The following PRKAG2 variants were observed in gnomAD, a reference collection of about 807,000 sequenced individuals.
The protein encoded by PRKAG2 is 5'-AMP-activated protein kinase subunit gamma-2.
In PRKAG2, 26 loss-of-function variants were observed where a neutral mutation model predicts 69.6. The ratio of observed to expected loss-of-function variants is 0.37; its 90% CI spans 0.27 to 0.52. The LOEUF is 0.52. PRKAG2 is among the 20% of genes least tolerant of loss of function. The pLI is 0.90. For missense variants in PRKAG2, 557 were observed against 740.0 expected, an observed-to-expected ratio of 0.75 and a Z score of 2.87; for synonymous variants, 293 against 285.0, an observed-to-expected ratio of 1.03 and a Z score of -0.28.
chr7:151,822,422 G>A (rs139306429), intron 1 of PRKAG2, among the ~76,000 whole-genome samples: 523 of 152,320 alleles, frequency 3.4e-3, no homozygotes, highest in Non-Finnish European at 5.4e-3. Flanking sequence ...GGGTGAAGGC[G>A]CTGTGGGAGT....
At chr7:151,682,462 C>T (rs917115268) in intron 3 of PRKAG2, among the ~76,000 whole-genome samples, 4 of 152,152 alleles carry the variant, frequency 2.6e-5, no homozygotes, top group Non-Finnish European at 2.9e-5. Flanking sequence ...TGGTCTTGAA[C>T]TCCTGGTATC....
In PRKAG2 at chr7:151,836,572, G is replaced by A. The variant is rs560810842; in HGVS notation, c.114+39935C>T. Among the ~76,000 whole-genome samples the A allele has an allele frequency of 2.0e-5, 3 of 152,244 alleles. No homozygotes were observed. The highest frequency in any genetic ancestry group is 2.9e-5 in the Non-Finnish European group (2 of 68,040). Reference sequence around the variant, plus strand: ...GATCAGAACTTGCCCCCTTCCCAGTGTGAATTCCCCTCCGATGGGGTGTGG... The same window carrying A: ...GATCAGAACTTGCCCCCTTCCCAGTATGAATTCCCCTCCGATGGGGTGTGG... On this transcript the variant is annotated intron_variant, in intron 1 of 15. Transcript: ENST00000287878. The surrounding 1 kb of genome is among the most constrained non-coding windows in gnomAD (Gnocchi z 4.1).
chr7:151,575,931 T>G (rs1585000510), intron 7 of PRKAG2, among the ~76,000 whole-genome samples: 2 of 146,998 alleles, frequency 1.4e-5, no homozygotes, highest in Non-Finnish European at 3.0e-5. Flanking sequence ...AGGACAACAG[T>G]GTTTGGACCT....
intron 4 of PRKAG2, among the ~76,000 whole-genome samples, chr7:151,662,160 CAG>C (rs1241401110): frequency 5.9e-5 from 9 of 152,198 alleles, no homozygotes; most frequent in African/African-American, 2.2e-4. Flanking sequence ...AGAAAGTGTT[CAG>C]AGTCTTGATT....
intron 4 of PRKAG2, among the ~76,000 whole-genome samples, chr7:151,633,596 A>G (rs1398280338): frequency 6.6e-6 from 1 of 152,064 alleles, no homozygotes; most frequent in East Asian, 1.9e-4. Context: ...AATCAATCAC[A>G]TTTCTATAAA....
chr7:151,790,424 C>T (rs2077219766), intron 1 of PRKAG2: 1 of 152,210 alleles, frequency 6.6e-6, no homozygotes, highest in South Asian at 2.1e-4. Flanking sequence ...CTGATAATCC[C>T]GTATTATACT....
intron 6 of PRKAG2, among the ~76,000 whole-genome samples, chr7:151,579,073 T>C (rs1017492842): frequency 1.3e-5 from 2 of 152,196 alleles, no homozygotes; most frequent in Admixed American, 1.3e-4. Flanking sequence ...TAGTGGTACC[T>C]TGGCTCATTG....
chr7:151,705,684 C>T (rs1365298486), intron 3 of PRKAG2, among the ~76,000 whole-genome samples: 4 of 152,100 alleles, frequency 2.6e-5, no homozygotes, highest in Admixed American at 1.3e-4. Context: ...GCAGGGTGTT[C>T]GATTGGAGGG....
At chr7:151,645,900 G>A (rs990741271) in intron 4 of PRKAG2, among the ~76,000 whole-genome samples, 4 of 152,142 alleles carry the variant, frequency 2.6e-5, no homozygotes, top group African/African-American at 9.7e-5. Context: ...ATGTGGCAAG[G>A]GTTGAGGTTC....
chr7:151,668,656 C>T (rs1466943336), intron 4 of PRKAG2, among the ~76,000 whole-genome samples: 1 of 152,196 alleles, frequency 6.6e-6, no homozygotes, highest in Non-Finnish European at 1.5e-5. Flanking sequence ...GGCACAAAAT[C>T]CAGCTGTCTT....
rs150597786 is a variant in PRKAG2, at chr7:151,778,965, AACACAC to A, written c.466+2181_466+2186del. 2.7e-3 allele frequency among the ~76,000 whole-genome samples: 409 copies of A among 151,536 alleles called. 7 individuals are homozygous for A. The highest frequency in any genetic ancestry group is 0.024 in the Admixed American group (364 of 15,206). The stretch of plus-strand genomic sequence containing the variant: ...CACACATACATCTATACAAATCCAA[AACACAC>A]ACACACACACCCATATATGCTGTGT... On this transcript the variant is annotated intron_variant, in intron 3 of 15. Transcript: ENST00000287878.
At chr7:151,717,044 C>T (rs1371447678) in intron 3 of PRKAG2, among the ~76,000 whole-genome samples, 6 of 152,030 alleles carry the variant, frequency 3.9e-5, no homozygotes, top group Admixed American at 6.6e-5. Context: ...GTCAGGAGTT[C>T]GAGACCAGCC....
chr7:151,795,449 G>T (rs925615002), intron 1 of PRKAG2, among the ~76,000 whole-genome samples: 3 of 152,180 alleles, frequency 2.0e-5, no homozygotes, highest in Non-Finnish European at 2.9e-5. Flanking sequence ...CAGCCAGGGG[G>T]CAGGGGAGGG....
chr7:151,714,382 G>T (rs1055675168), intron 3 of PRKAG2, among the ~76,000 whole-genome samples: 1 of 147,176 alleles, frequency 6.8e-6, no homozygotes, highest in East Asian at 2.0e-4. Context: ...TCCCATCCGC[G>T]CCCCGCCGTG....
chr7:151,675,616 G>T lies in PRKAG2; in HGVS notation c.488C>A (p.Pro163Gln). 1 of 1,613,732 alleles carries T rather than the reference G, an allele frequency of 6.2e-7. No homozygotes were observed. ...CTTGGTCACTTGGGTGGGTGTTGACGGAGAGGAGGAGAGGCCGGAGGCTGC... is the reference window on the plus strand; with the variant it reads ...CTTGGTCACTTGGGTGGGTGTTGACTGAGAGGAGGAGAGGCCGGAGGCTGC... ...SRKTSGLSSS[P>Q]STPTQVTKQH... Residue 163 changes from proline (P) to glutamine (Q), a missense_variant, in exon 4 of 16, where the codon CCG becomes CAG. By Grantham distance (76) the Pro-to-Gln change is moderately conservative. This residue lies in a region of PRKAG2 where 352 missense variants were observed against 356.7 expected (regional missense o/e 0.99). Coordinates refer to ENST00000287878, the MANE Select transcript of PRKAG2 (RefSeq NM_016203.4).
intron 4 of PRKAG2, among the ~76,000 whole-genome samples, chr7:151,647,137 T>C (rs1827703571): frequency 2.0e-5 from 3 of 152,272 alleles, no homozygotes; most frequent in Admixed American, 2.0e-4. Flanking sequence ...TGACTGCTAT[T>C]GAGAAACAGC....
intron 3 of PRKAG2, among the ~76,000 whole-genome samples, chr7:151,773,046 AGAGAGAGGGAGGGAGGGAGGGAGGGAGG>A (rs1167007532): frequency 8.2e-5 from 3 of 36,596 alleles, no homozygotes; most frequent in African/African-American, 2.6e-4. Flanking sequence ...AGAGAGAGAG[AGAGAGAGGGAGGGAGGGAGGGAGGGAGG>A]GAGGGAGGGA....
At chr7:151,787,978 T>A (rs2077096101) in intron 1 of PRKAG2, among the ~76,000 whole-genome samples, 1 of 152,212 alleles carries the variant, frequency 6.6e-6, no homozygotes, top group African/African-American at 2.4e-5. Context: ...GCCTCCAGAA[T>A]CATGAGAAAA....
In PRKAG2 at chr7:151,777,143, G is replaced by A. The variant is rs925156560; in HGVS notation, c.466+4009C>T. Among the ~76,000 whole-genome samples the A allele has an allele frequency of 1.1e-4, 17 of 152,178 alleles. No individual in the cohort carries two copies. Among genetic ancestry groups the A allele is most frequent in the Admixed American group, 2.6e-4 (4 of 15,286 alleles). On this transcript the variant is annotated intron_variant, in intron 3 of 15. Transcript: ENST00000287878. This position sits in a 1 kb window ranked among gnomAD's most constrained non-coding sequence, Gnocchi z 4.3. ...GAGTCTGGGAGCTTCCTCCTGTGCA[G>A]ACCACAGGCCCCAATGGAAGGGGCC...
Sources: gnomAD v4.1 joint callset for allele counts (sites outside exome capture counted in the v4.1 genomes callset) on GRCh38, gnomAD v4.1.1 for gene constraint, gnomAD v4.1.1 regional missense constraint, Gnocchi (gnomAD v3.1) non-coding constraint, MANE v1.5 for transcripts, NCBI Gene and HGNC (gene_info 2026-07-23, HGNC 2026-07-21) for gene names.